The following ADCY5 variants were observed in gnomAD, a reference collection of about 807,000 sequenced individuals.
ADCY5 encodes adenylate cyclase type 5.
In ADCY5, 30 loss-of-function variants were observed where a neutral mutation model predicts 119.7. The observed-to-expected ratio is 0.25, with a 90% CI of 0.19 to 0.34. ADCY5 has a LOEUF of 0.34. ADCY5 is among the 10% of genes least tolerant of loss of function. ADCY5 has a pLI of 1.00. For missense variants in ADCY5, 1,324 were observed against 1,775.2 expected (o/e 0.75, Z 4.57); for synonymous variants, 753 against 762.2 (o/e 0.99, Z 0.20).
At chr3:123,297,228 T>A in intron 16 of ADCY5, 125 bp downstream of exon 16, 1 of 1,427,938 alleles carries the variant, frequency 7.0e-7, no homozygotes, top group Non-Finnish European at 9.8e-7. Flanking sequence ...CTCCCTGTCC[T>A]GTTGGCCTTC....
chr3:123,376,296 C>T (rs929212726), intron 1 of ADCY5, among the ~76,000 whole-genome samples: 1 of 140,736 alleles, frequency 7.1e-6, no homozygotes, highest in Non-Finnish European at 1.5e-5. Context: ...TCCTGCCACG[C>T]TCCAAAGGCC....
chr3:123,379,316 G>A (rs537404147), intron 1 of ADCY5, among the ~76,000 whole-genome samples: 2 of 152,196 alleles, frequency 1.3e-5, no homozygotes, highest in South Asian at 2.1e-4. Context: ...GGGTGGGTTG[G>A]TTAGGGGGTG....
At chr3:123,390,092 C>T (rs181620753) in intron 1 of ADCY5, among the ~76,000 whole-genome samples, 15 of 152,298 alleles carry the variant, frequency 9.8e-5, no homozygotes, top group East Asian at 3.9e-4. Context: ...TGAGCCATCA[C>T]GATGCCAGTT....
intron 9 of ADCY5, 140 bp from the exon 10 acceptor site, chr3:123,319,958 T>C (rs1941133462): frequency 8.5e-7 from 1 of 1,181,142 alleles, no homozygotes; most frequent in Non-Finnish European, 1.2e-6. Context: ...CAGCGGGAGC[T>C]GAGACTGAGA....
chr3:123,284,749 A>T lies in ADCY5; in HGVS notation c.3658-13T>A. ...TGTCTGTGGTGACCTGTGGGGGAAC[A>T]GGAGGAGAGAGGGCAAGCCACTGAT... On this transcript the variant is annotated splice_polypyrimidine_tract_variant and intron_variant, in intron 20 of 20. Transcript: ENST00000462833. The T allele has an allele frequency of 6.2e-7, 1 of 1,613,750 alleles. No homozygotes were observed.
At position 123,448,866 on chromosome 3, in the gene ADCY5, C is replaced by T. The variant is rs1233632391; in HGVS notation, c.-321G>A. 1.5e-5 allele frequency: 4 copies of T among 262,466 alleles called. No homozygotes were observed. The highest frequency in any genetic ancestry group is 5.5e-5 in the Admixed American group (1 of 18,318). 16.3% of individuals were successfully genotyped at this position (262,466 alleles called of 1,614,324 possible). A position where few individuals can be genotyped will look rare whatever the true frequency, so the allele number is the denominator to read the frequency against. On this transcript the variant is annotated 5_prime_UTR_variant, in exon 1 of 21. Transcript: ENST00000462833. Reference sequence around the variant, plus strand: ...GAGAGACGTCCGGGATCCTGGCTCGCGTCGAGCTCGACGAGGGCCGGAGTT... The same window carrying T: ...GAGAGACGTCCGGGATCCTGGCTCGTGTCGAGCTCGACGAGGGCCGGAGTT...
intron 3 of ADCY5, among the ~76,000 whole-genome samples, chr3:123,333,191 T>C (rs1259956485): frequency 1.3e-5 from 2 of 152,206 alleles, no homozygotes; most frequent in South Asian, 2.1e-4. Context: ...CTTCTTTGCT[T>C]TCTGCTCACC....
chr3:123,394,491 C>T (rs956098840), intron 1 of ADCY5, among the ~76,000 whole-genome samples: 5 of 152,174 alleles, frequency 3.3e-5, no homozygotes, highest in African/African-American at 1.2e-4. Flanking sequence ...AAGTGATCAT[C>T]TCAGATTGTC....
chr3:123,343,113 T>A (rs1352854125), intron 3 of ADCY5, among the ~76,000 whole-genome samples: 1 of 152,220 alleles, frequency 6.6e-6, no homozygotes, highest in East Asian at 1.9e-4. Flanking sequence ...GTGAAGTCTG[T>A]GTCCCCTGGT....
intron 1 of ADCY5, among the ~76,000 whole-genome samples, chr3:123,441,408 G>A (rs906624205): frequency 1.3e-5 from 2 of 152,158 alleles, no homozygotes; most frequent in African/African-American, 4.8e-5. Context: ...TGGCCATCCA[G>A]TCTCCACTTG....
intron 1 of ADCY5, among the ~76,000 whole-genome samples, chr3:123,416,924 A>G (rs1945197322): frequency 6.6e-6 from 1 of 152,194 alleles, no homozygotes; most frequent in African/African-American, 2.4e-5. Flanking sequence ...TCGCTTTGTG[A>G]GAACACAGAG....
At chr3:123,331,661 C>T (rs1051881288) in intron 4 of ADCY5, among the ~76,000 whole-genome samples, 3 of 152,090 alleles carry the variant, frequency 2.0e-5, no homozygotes, top group Non-Finnish European at 4.4e-5. Flanking sequence ...AGTGGGATTG[C>T]GATAGAATAT....
At chr3:123,394,040 G>C (rs1944474136) in intron 1 of ADCY5, among the ~76,000 whole-genome samples, 1 of 152,056 alleles carries the variant, frequency 6.6e-6, no homozygotes, top group Non-Finnish European at 1.5e-5. Flanking sequence ...TGAGGCAGGA[G>C]GATCACTTCA....
intron 3 of ADCY5, among the ~76,000 whole-genome samples, chr3:123,336,480 G>A (rs1348441824): frequency 6.6e-6 from 1 of 152,236 alleles, no homozygotes; most frequent in Non-Finnish European, 1.5e-5. Flanking sequence ...TCCACCCCGA[G>A]CCTGAGGCTA....
chr3:123,340,641 G>T (rs184176823), intron 3 of ADCY5, among the ~76,000 whole-genome samples: 1 of 152,254 alleles, frequency 6.6e-6, no homozygotes, highest in Admixed American at 6.5e-5. Flanking sequence ...ACCAATTAAG[G>T]CAAACTGAGG....
Position 123,333,034 on chromosome 3 carries a change from C to T in ADCY5, c.1407-359G>A, listed in dbSNP as rs560599784. ...TTGGCCTCACAAAGTGCTGGGATTACAGCCACGAGCCACCACACCTGGTTC... is the reference window on the plus strand; with the variant it reads ...TTGGCCTCACAAAGTGCTGGGATTATAGCCACGAGCCACCACACCTGGTTC... On this transcript the variant is annotated intron_variant, in intron 3 of 20. Transcript: ENST00000462833. Among the ~76,000 whole-genome samples, 12 of 152,006 alleles carry T rather than the reference C, an allele frequency of 7.9e-5. No homozygotes were observed. The South Asian group carries it at 2.3e-3, about 29-fold the overall frequency.
At chr3:123,443,918 A>G (rs1945767151) in intron 1 of ADCY5, among the ~76,000 whole-genome samples, 1 of 152,216 alleles carries the variant, frequency 6.6e-6, no homozygotes, top group African/African-American at 2.4e-5. Flanking sequence ...TCCAGACCAT[A>G]GAGCTGCTGC....
chr3:123,292,721 G>A (rs1016117723), intron 17 of ADCY5, among the ~76,000 whole-genome samples: 2 of 152,196 alleles, frequency 1.3e-5, no homozygotes, highest in Non-Finnish European at 2.9e-5. Context: ...GCTGGGGGTG[G>A]GGGGTAGGGG....
intron 3 of ADCY5, among the ~76,000 whole-genome samples, chr3:123,342,266 G>A (rs774027417): frequency 6.6e-5 from 10 of 152,150 alleles, no homozygotes; most frequent in Admixed American, 5.2e-4. Context: ...ACATTGTCGC[G>A]TGGTCATTAT....
Sources: gnomAD v4.1 joint callset for allele counts (sites outside exome capture counted in the v4.1 genomes callset) on GRCh38, gnomAD v4.1.1 for gene constraint, MANE v1.5 for transcripts, NCBI Gene and HGNC (gene_info 2026-07-23, HGNC 2026-07-21) for gene names.